Variants in PDK1 observed in about 807,000 individuals in gnomAD.
PDK1 encodes the protein pyruvate dehydrogenase kinase 1.
PDK1 carries 39 observed loss-of-function variants against 54.2 expected under a neutral mutation model. The ratio of observed to expected loss-of-function variants is 0.72; its 90% confidence interval spans 0.56 to 0.94. The LOEUF (loss-of-function observed/expected upper bound fraction) is 0.94. PDK1 is among the 40% of genes least tolerant of loss of function. The probability of loss-of-function intolerance (pLI) is 0.00; values close to 1 mark genes in which losing one functional copy is unlikely to be tolerated. For synonymous variants in PDK1, 221 were observed against 207.1 expected (o/e 1.07, Z -0.58); for missense variants, 552 against 566.0 (o/e 0.98, Z 0.25).
intron 10 of PDK1, 34 bp downstream of exon 10, chr2:172,593,082 T>C (rs1392527202): frequency 3.6e-6 from 4 of 1,103,820 alleles, no homozygotes; most frequent in Non-Finnish European, 5.5e-6. Flanking sequence ...TTAATATTTC[T>C]TTTGATGATA....
At chr2:172,556,492 G>A in intron 1 of PDK1, 146 bp downstream of exon 1, 2 of 515,342 alleles carry the variant, frequency 3.9e-6, no homozygotes, top group African/African-American at 2.0e-5. Flanking sequence ...CGCCTTAGGT[G>A]CTTCCTTCCT....
At chr2:172,614,341 T>C in the PDK1 span, among the ~76,000 whole-genome samples, 1 of 152,168 alleles carries the variant, frequency 6.6e-6, no homozygotes, top group Non-Finnish European at 1.5e-5. Context: ...GAGTGGGGAC[T>C]CATGCTCTTC....
chr2:172,582,944 T>A (rs1689992071), intron 8 of PDK1, among the ~76,000 whole-genome samples: 1 of 152,236 alleles, frequency 6.6e-6, no homozygotes, highest in African/African-American at 2.4e-5. Context: ...AGCCTGAGGC[T>A]GGAAATGACT....
intron 5 of PDK1, 107 bp from the exon 6 acceptor site, chr2:172,566,749 C>G: frequency 1.4e-5 from 6 of 440,248 alleles, no homozygotes; most frequent in Non-Finnish European, 8.0e-6. Flanking sequence ...ATATTTTCTT[C>G]TGTAGAGAGT....
chr2:172,595,172 T>G (rs1184902133), intron 10 of PDK1, among the ~76,000 whole-genome samples: 1 of 152,164 alleles, frequency 6.6e-6, no homozygotes, highest in African/African-American at 2.4e-5. Flanking sequence ...GGGCTTCAAG[T>G]GATCCTCCTC....
the PDK1 span, among the ~76,000 whole-genome samples, chr2:172,621,779 A>G: frequency 6.8e-6 from 1 of 148,026 alleles, no homozygotes; most frequent in East Asian, 2.0e-4. Flanking sequence ...ATATATGTTT[A>G]TATCTCATAT....
chr2:172,600,585 A>G lies in PDK1; in HGVS notation c.*4616A>G, dbSNP rs1691079997. 1 of 152,186 alleles carries G rather than the reference A, an allele frequency of 6.6e-6. No individual in the cohort carries two copies. The highest frequency in any genetic ancestry group is 6.5e-5 in the Admixed American group (1 of 15,278). The allele number at this position is 152,186 out of a possible 1,614,324, so 9.4% of individuals were successfully genotyped here. A position where few individuals can be genotyped will look rare whatever the true frequency, so the allele number is the denominator to read the frequency against. On this transcript the variant is annotated 3_prime_UTR_variant, in exon 11 of 11. Transcript: ENST00000282077. ...GTCGCAGACACACACAGTTTGGAGC[A>G]GGAGTTTAATAGGCAAAAGGAAACA...
the PDK1 span, among the ~76,000 whole-genome samples, chr2:172,707,934 C>A: frequency 1.3e-5 from 2 of 152,132 alleles, no homozygotes; most frequent in Non-Finnish European, 2.9e-5. Context: ...AATTCTCCAA[C>A]CAGTATATAA....
chr2:172,637,819 C>T, the PDK1 span, among the ~76,000 whole-genome samples: 1 of 152,124 alleles, frequency 6.6e-6, no homozygotes, highest in East Asian at 1.9e-4. Context: ...CCTCAGCCTC[C>T]CGAGCAGCTG....
chr2:172,665,428 G>T, the PDK1 span, among the ~76,000 whole-genome samples: 35 of 152,260 alleles, frequency 2.3e-4, no homozygotes, highest in African/African-American at 7.9e-4. Context: ...TATGTTCTGA[G>T]GACTTATTAT....
At chr2:172,593,092 A>G in intron 10 of PDK1, 44 bp downstream of exon 10, 1 of 992,318 alleles carries the variant, frequency 1.0e-6, no homozygotes, top group Non-Finnish European at 1.6e-6. Context: ...TTTTGATGAT[A>G]AGAACAGATG....
the PDK1 span, among the ~76,000 whole-genome samples, chr2:172,633,867 AT>A: frequency 2.4e-3 from 164 of 68,818 alleles, no homozygotes; most frequent in African/African-American, 8.8e-3. Flanking sequence ...TTAGTCTATG[AT>A]TTTTTTTTTT....
At chr2:172,685,726 T>G in the PDK1 span, among the ~76,000 whole-genome samples, 1 of 152,230 alleles carries the variant, frequency 6.6e-6, no homozygotes, top group Non-Finnish European at 1.5e-5. Flanking sequence ...GTATTGTTCA[T>G]GATAAATCAG....
chr2:172,633,141 C>G, the PDK1 span, among the ~76,000 whole-genome samples: 1,075 of 151,868 alleles, frequency 7.1e-3, 19 homozygotes, highest in African/African-American at 0.025. Context: ...CTCCTGGGCT[C>G]AAGCGATCCT....
chr2:172,580,919 G>T (rs1015605178), intron 8 of PDK1, among the ~76,000 whole-genome samples: 2 of 152,168 alleles, frequency 1.3e-5, no homozygotes, highest in Non-Finnish European at 2.9e-5. Context: ...AATATATAGG[G>T]ACAGAAAGTA....
chr2:172,565,678 A>T (rs1218550501), intron 5 of PDK1, among the ~76,000 whole-genome samples: 2 of 152,214 alleles, frequency 1.3e-5, no homozygotes, highest in Non-Finnish European at 2.9e-5. Context: ...GCAGTAATTC[A>T]TAACAATTTG....
the PDK1 span, among the ~76,000 whole-genome samples, chr2:172,616,276 AT>A: frequency 6.6e-6 from 1 of 152,248 alleles, no homozygotes; most frequent in East Asian, 1.9e-4. Flanking sequence ...AAATTTGCAC[AT>A]ATTTGGAATG....
At chr2:172,663,988 C>A in the PDK1 span, among the ~76,000 whole-genome samples, 1 of 136,440 alleles carries the variant, frequency 7.3e-6, no homozygotes, top group African/African-American at 2.9e-5. Context: ...TTTTTAACCT[C>A]TCGTAGGAAT....
At chr2:172,663,968 CTT>C in the PDK1 span, among the ~76,000 whole-genome samples, 5 of 145,660 alleles carry the variant, frequency 3.4e-5, no homozygotes, top group African/African-American at 5.1e-5. Flanking sequence ...CCATATGTGG[CTT>C]TTTTTTTTTT....
Sources: gnomAD v4.1 joint callset for allele counts (sites outside exome capture counted in the v4.1 genomes callset) on GRCh38, gnomAD v4.1.1 for gene constraint, MANE v1.5 for transcripts, NCBI Gene and HGNC (gene_info 2026-07-23, HGNC 2026-07-21) for gene names.